Variants in NCOA1 observed in about 807,000 individuals in gnomAD.
NCOA1 encodes the protein nuclear receptor coactivator 1.
A neutral mutation model predicts 150.9 loss-of-function variants in NCOA1; 35 were observed. The observed-to-expected ratio is 0.23, with a 90% CI of 0.18 to 0.31. The LOEUF (loss-of-function observed/expected upper bound fraction) is 0.31, where lower values mean the gene tolerates loss of function less well. Ranked by LOEUF, NCOA1 falls within the 10% of genes least tolerant of loss-of-function variation. The probability of loss-of-function intolerance (pLI) is 1.00; values close to 1 mark genes in which losing one functional copy is unlikely to be tolerated. For missense variants in NCOA1, 1,491 were observed against 1,749.3 expected (o/e 0.85, Z 2.63); for synonymous variants, 590 against 630.0 (o/e 0.94, Z 0.95).
intron 1 of NCOA1, among the ~76,000 whole-genome samples, chr2:24,505,014 T>TTAA (rs1663628964): frequency 6.6e-6 from 1 of 152,040 alleles, no homozygotes; most frequent in Non-Finnish European, 1.5e-5. Flanking sequence ...TATTGGGTGG[T>TTAA]GGTTAAAATA....
intron 10 of NCOA1, among the ~76,000 whole-genome samples, chr2:24,695,489 A>G (rs1638904247): frequency 6.6e-6 from 1 of 152,200 alleles, no homozygotes; most frequent in Non-Finnish European, 1.5e-5. Flanking sequence ...CAGTTATTGT[A>G]CAAAGATACC....
intron 22 of NCOA1, among the ~76,000 whole-genome samples, chr2:24,765,896 C>CTTTTTTTTTTTTTTTTTTTTT (rs773857143): frequency 1.2e-4 from 15 of 128,034 alleles, no homozygotes; most frequent in African/African-American, 1.8e-4. Flanking sequence ...CAATAATACA[C>CTTTTTTTTTTTTTTTTTTTTT]TTTTTTTTTT....
intron 3 of NCOA1, among the ~76,000 whole-genome samples, chr2:24,626,026 GA>G (rs1249730967): frequency 6.6e-6 from 1 of 152,182 alleles, no homozygotes; most frequent in Non-Finnish European, 1.5e-5. Flanking sequence ...TGAGGTGGCT[GA>G]TCAGATCTAC....
chr2:24,501,770 G>A (rs978273020), intron 1 of NCOA1, among the ~76,000 whole-genome samples: 6 of 152,168 alleles, frequency 3.9e-5, no homozygotes, highest in African/African-American at 1.4e-4. Flanking sequence ...AATTTTGTGA[G>A]TCTATATATT....
At chr2:24,739,563 ACTT>A in intron 18 of NCOA1, 30 bp downstream of exon 18, 1 of 1,499,480 alleles carries the variant, frequency 6.7e-7, no homozygotes, top group Non-Finnish European at 9.3e-7. Flanking sequence ...CGTCATTAGT[ACTT>A]CTTTAACCCA....
At chr2:24,501,267 A>G (rs1184997923) in intron 1 of NCOA1, among the ~76,000 whole-genome samples, 1 of 152,254 alleles carries the variant, frequency 6.6e-6, no homozygotes, top group Non-Finnish European at 1.5e-5. Context: ...TTTTTCAGCT[A>G]TGATAACCAT....
At chr2:24,617,905 CAG>C (rs112781044) in intron 3 of NCOA1, among the ~76,000 whole-genome samples, 6,427 of 152,074 alleles carry the variant, frequency 0.042, 205 homozygotes, top group African/African-American at 0.092. Flanking sequence ...AAATATTTTA[CAG>C]ACAGTAAAAT....
At chr2:24,508,182 T>C (rs188374141) in intron 1 of NCOA1, among the ~76,000 whole-genome samples, 1 of 152,280 alleles carries the variant, frequency 6.6e-6, no homozygotes, top group East Asian at 1.9e-4. Context: ...AAAAGAAAAT[T>C]GTGAAAATTT....
At chr2:24,670,704 G>A (rs1671645020) in intron 6 of NCOA1, among the ~76,000 whole-genome samples, 1 of 152,148 alleles carries the variant, frequency 6.6e-6, no homozygotes, top group South Asian at 2.1e-4. Flanking sequence ...ACTGGTAATG[G>A]GAATGGAGTT....
intron 1 of NCOA1, among the ~76,000 whole-genome samples, chr2:24,529,357 T>C (rs1265386725): frequency 6.6e-6 from 1 of 152,222 alleles, no homozygotes; most frequent in African/African-American, 2.4e-5. Context: ...AGGCAGGACC[T>C]CTCACTGTTG....
intron 2 of NCOA1, among the ~76,000 whole-genome samples, chr2:24,576,155 T>TTG (rs1666957045): frequency 1.0e-5 from 1 of 96,446 alleles, no homozygotes; most frequent in African/African-American, 4.0e-5. Context: ...CTTTGTTTTT[T>TTG]TTTTTTTGTT....
chr2:24,702,425 CA>C (rs1673209075), intron 11 of NCOA1, among the ~76,000 whole-genome samples: 1 of 151,928 alleles, frequency 6.6e-6, no homozygotes, highest in East Asian at 1.9e-4. Context: ...CACATTTTTT[CA>C]CCTGCCTATT....
intron 1 of NCOA1, among the ~76,000 whole-genome samples, chr2:24,542,457 A>G (rs1181243012): frequency 6.6e-6 from 1 of 152,264 alleles, no homozygotes; most frequent in Admixed American, 6.5e-5. Flanking sequence ...ATACGATTCT[A>G]GTAGAAAATT....
intron 3 of NCOA1, among the ~76,000 whole-genome samples, chr2:24,598,244 A>G (rs920315271): frequency 2.6e-5 from 4 of 152,228 alleles, no homozygotes; most frequent in African/African-American, 9.6e-5. Flanking sequence ...AAATTAACCA[A>G]TTAAGTGATT....
chr2:24,770,235 C>T lies in NCOA1; in HGVS notation c.*1844C>T, dbSNP rs1243428738. ...TATTACTCTAGTCCCTACCAAACTGCTCTAGAAGGTCATTTCCATTTTGTT... is the reference window on the plus strand; with the variant it reads ...TATTACTCTAGTCCCTACCAAACTGTTCTAGAAGGTCATTTCCATTTTGTT... On this transcript the variant is annotated 3_prime_UTR_variant, in exon 23 of 23. Coordinates refer to ENST00000348332, the MANE Select transcript of NCOA1 (RefSeq NM_003743.5). 8.7e-6 allele frequency: 2 copies of T among 231,062 alleles called. No homozygotes were observed. Among genetic ancestry groups the T allele is most frequent in the Admixed American group, 1.1e-4 (2 of 17,712 alleles). 14.3% of individuals were successfully genotyped at this position (231,062 alleles called of 1,614,324 possible).
intron 8 of NCOA1, among the ~76,000 whole-genome samples, chr2:24,689,684 C>T (rs1252450767): frequency 6.6e-6 from 1 of 152,202 alleles, no homozygotes; most frequent in Non-Finnish European, 1.5e-5. Flanking sequence ...AGCCGCCACG[C>T]GTGGCACAAA....
chr2:24,565,388 C>T (rs1666456243), intron 2 of NCOA1, among the ~76,000 whole-genome samples: 1 of 152,070 alleles, frequency 6.6e-6, no homozygotes, highest in Non-Finnish European at 1.5e-5. Flanking sequence ...GAATATGTTA[C>T]AGAGTTTTGT....
chr2:24,623,347 A>G (rs1406046811), intron 3 of NCOA1, among the ~76,000 whole-genome samples: 2 of 152,166 alleles, frequency 1.3e-5, no homozygotes, highest in Non-Finnish European at 2.9e-5. Context: ...GATTGGTGAG[A>G]CAGCCCAGCT....
At chr2:24,693,022 G>T (rs558932293) in intron 9 of NCOA1, among the ~76,000 whole-genome samples, 1 of 152,188 alleles carries the variant, frequency 6.6e-6, no homozygotes, top group East Asian at 1.9e-4. Flanking sequence ...CACCATGCCC[G>T]GCTAATTTTT....
Sources: allele counts gnomAD v4.1 joint callset (sites outside exome capture counted in the v4.1 genomes callset), GRCh38; gene constraint gnomAD v4.1.1; transcripts MANE v1.5; gene names NCBI Gene and HGNC (gene_info 2026-07-23, HGNC 2026-07-21).